HSPA14: variants seen among roughly 807,000 people sequenced by gnomAD.
HSPA14 encodes heat shock 70 kDa protein 14.
Under a neutral mutation model 65.5 loss-of-function variants are expected in HSPA14, and 37 were observed. That is an observed-to-expected ratio of 0.56 (90% CI 0.43 to 0.74). HSPA14 has a LOEUF of 0.74. Ranked by LOEUF, HSPA14 falls within the 30% of genes least tolerant of loss-of-function variation. The pLI, the probability that HSPA14 is intolerant of heterozygous loss-of-function variation, is 0.00. For synonymous variants in HSPA14, 203 were observed against 214.2 expected, an observed-to-expected ratio of 0.95 and a Z score of 0.46; for missense variants, 564 against 607.6, an observed-to-expected ratio of 0.93 and a Z score of 0.75.
Position 14,867,256 on chromosome 10 carries a change from T to C in HSPA14, c.1167T>C (p.Ser389=), listed in dbSNP as rs61751214. The change falls in exon 11 of 14, where the codon TCT becomes TCC. Residue 389 remains serine (S), a synonymous_variant. Coordinates refer to ENST00000378372, the MANE Select transcript of HSPA14 (RefSeq NM_016299.4). ...AAGAAAACCTGTTGGTGGAAGACTC[T>C]CTTATGATAGAGTGTTCAGCCAGAG... The part of the protein sequence containing the change: ...IGKENLLVED[S]LMIECSARDI... The C allele has an allele frequency of 3.6e-3, 5,787 of 1,613,780 alleles. 29 individuals carry two copies. The highest frequency in any genetic ancestry group is 0.016 in the Middle Eastern group (95 of 6,052).
chr10:14,839,323 C>T (rs1444772911), intron 1 of HSPA14, among the ~76,000 whole-genome samples: 1 of 152,174 alleles, frequency 6.6e-6, no homozygotes, highest in African/African-American at 2.4e-5. Context: ...CCTGTAATCC[C>T]AGCACTTTGG....
At chr10:14,857,301 A>T (rs1832711348) in intron 10 of HSPA14, among the ~76,000 whole-genome samples, 2 of 152,218 alleles carry the variant, frequency 1.3e-5, no homozygotes, top group South Asian at 4.1e-4. Context: ...CCAAAGTAAA[A>T]TACTAGGTCA....
chr10:14,848,365 A>C (rs1429531962), intron 3 of HSPA14, among the ~76,000 whole-genome samples: 1 of 152,250 alleles, frequency 6.6e-6, no homozygotes, highest in Non-Finnish European at 1.5e-5. Flanking sequence ...CACAGCCAGA[A>C]CAAGAAAGCT....
At chr10:14,867,019 A>C in intron 10 of HSPA14, 64 bp from the exon 11 acceptor site, 2 of 1,185,882 alleles carry the variant, frequency 1.7e-6, no homozygotes, top group Non-Finnish European at 2.5e-6. Flanking sequence ...AGTCTATTAC[A>C]CTTAATTTTG....
rs184018354 is a variant in HSPA14, at chr10:14,848,558, C to T, written c.222-51C>T. 45 of 1,352,134 alleles carry T rather than the reference C, an allele frequency of 3.3e-5. No homozygotes were observed. The African/African-American group carries it at 6.4e-4, about 19-fold the overall frequency. 83.8% of individuals were successfully genotyped at this position (1,352,134 alleles called of 1,614,324 possible). A position where few individuals can be genotyped will look rare whatever the true frequency, so the allele number is the denominator to read the frequency against. ...ACAGTCTTCTCTAAACTTTATATAT[C>T]TACAATACTGATTTTAATACTTAGC... On this transcript the variant is annotated intron_variant, in intron 3 of 13. Coordinates refer to ENST00000378372, the MANE Select transcript of HSPA14 (RefSeq NM_016299.4).
In HSPA14 at chr10:14,851,254, G is replaced by T; in HGVS notation, c.503G>T (p.Arg168Leu). The T allele has an allele frequency of 6.2e-7, 1 of 1,611,564 alleles. No homozygotes were observed. The highest frequency in any genetic ancestry group is 1.1e-5 in the South Asian group (1 of 90,754). ...AARAAGFNVL[R>L]LIHEPSAALL... ...AGAGCTGCTGGATTTAATGTTTTGCGATTAATTCACGAACCGTCTGCAGCT... is the reference window on the plus strand; with the variant it reads ...AGAGCTGCTGGATTTAATGTTTTGCTATTAATTCACGAACCGTCTGCAGCT... The change falls in exon 7 of 14, where the codon CGA (arginine) becomes CTA (leucine). Residue 168 changes from arginine (R) to leucine (L), a missense_variant. Arg to Leu is a moderately radical substitution (Grantham distance 102, BLOSUM62 -2). Coordinates refer to ENST00000378372, the MANE Select transcript of HSPA14 (RefSeq NM_016299.4).
chr10:14,847,130 T>C (rs1023298822), intron 3 of HSPA14: 2 of 624,412 alleles, frequency 3.2e-6, no homozygotes, highest in Non-Finnish European at 4.0e-6. Context: ...CTTTCTGTCT[T>C]CAGAGGAGAG....
At chr10:14,870,535 G>C (rs1394732566) in intron 12 of HSPA14, 62 bp from the exon 13 acceptor site, 4 of 1,520,516 alleles carry the variant, frequency 2.6e-6, no homozygotes, top group African/African-American at 1.4e-5. Flanking sequence ...TGCAATAATT[G>C]ATACATCAGT....
chr10:14,843,536 C>A (rs1488965716), intron 3 of HSPA14: 1 of 1,550,584 alleles, frequency 6.4e-7, no homozygotes, highest in Non-Finnish European at 8.7e-7. Context: ...ACACCGCAGA[C>A]TCCAGTCTCC....
At chr10:14,869,136 C>T (rs1832832250) in intron 12 of HSPA14, among the ~76,000 whole-genome samples, 1 of 151,924 alleles carries the variant, frequency 6.6e-6, no homozygotes, top group African/African-American at 2.4e-5. Context: ...AAAATATATG[C>T]ACATTCAGAG....
At chr10:14,843,907 A>G (rs1834009981) in intron 3 of HSPA14, 1 of 1,535,948 alleles carries the variant, frequency 6.5e-7, no homozygotes, top group Non-Finnish European at 8.7e-7. Context: ...ACCAATTACA[A>G]AAGGCTCTGC....
chr10:14,841,149 T>C (rs1230172186), intron 3 of HSPA14: 1 of 152,228 alleles, frequency 6.6e-6, no homozygotes, highest in East Asian at 1.9e-4. Flanking sequence ...GAACTTGATA[T>C]TAATCTTTTT....
Position 14,849,771 on chromosome 10 carries a change from G to C in HSPA14, c.427G>C (p.Val143Leu). 5 of 1,613,532 alleles carry C rather than the reference G, an allele frequency of 3.1e-6. No homozygotes were observed. Among genetic ancestry groups the C allele is most frequent in the Non-Finnish European group, 4.2e-6 (5 of 1,179,738 alleles). ...GSDANDVVIT[V>L]PFDFGEKQKN... is the part of the protein sequence containing the mutation. Reference sequence around the variant, plus strand: ...AGATGCAAATGATGTAGTTATTACTGTCCCGTTTGATTTTGGAGAAAAGCA... The same window carrying C: ...AGATGCAAATGATGTAGTTATTACTCTCCCGTTTGATTTTGGAGAAAAGCA... The change falls in exon 6 of 14, where the codon GTC (valine) becomes CTC (leucine). Residue 143 changes from valine to leucine, a missense_variant. Transcript: ENST00000378372.
At chr10:14,850,269 C>CAA (rs200743230) in intron 6 of HSPA14, among the ~76,000 whole-genome samples, 26 of 105,062 alleles carry the variant, frequency 2.5e-4, no homozygotes, top group African/African-American at 4.4e-4. Flanking sequence ...GACTTCGTCT[C>CAA]AAAAAAAAAA....
chr10:14,840,501 A>AT (rs1218470956), intron 3 of HSPA14, among the ~76,000 whole-genome samples: 9 of 152,136 alleles, frequency 5.9e-5, no homozygotes, highest in African/African-American at 2.2e-4. Context: ...ATGTGGTTGA[A>AT]TTTTGCTGAA....
At chr10:14,843,337 G>A (rs1057295926) in intron 3 of HSPA14, 8 of 1,550,060 alleles carry the variant, frequency 5.2e-6, no homozygotes, top group African/African-American at 2.7e-5. Context: ...TAGCAGGAAT[G>A]TTCTCTTTGC....
At chr10:14,843,595 G>A in intron 3 of HSPA14, 1 of 1,550,638 alleles carries the variant, frequency 6.4e-7, no homozygotes, top group Non-Finnish European at 8.7e-7. Context: ...CTTGACCAGT[G>A]AGCCCCCTCC....
At chr10:14,851,771 A>AAT (rs1272166764) in intron 7 of HSPA14, among the ~76,000 whole-genome samples, 1 of 152,256 alleles carries the variant, frequency 6.6e-6, no homozygotes. Context: ...TATAGCTGTC[A>AAT]ATATGTCTTA....
rs749644797 is a variant in HSPA14, at chr10:14,842,406, A to G, written c.221+2249A>G. On this transcript the variant is annotated intron_variant, in intron 3 of 13. Coordinates refer to ENST00000378372, the MANE Select transcript of HSPA14 (RefSeq NM_016299.4). The surrounding 1 kb of genome is among the most constrained non-coding windows in gnomAD (Gnocchi z 5.2). ...CTCCAGACTGTGCATCACAATGCAG[A>G]TGTCTATCAGGCTGTGTCTAAGCGA... is the stretch of plus-strand genomic sequence containing the variant. 10 of 1,536,050 alleles carry G rather than the reference A, an allele frequency of 6.5e-6. No homozygotes were observed. The South Asian group carries it at 1.2e-4, about 18-fold the overall frequency.
Sources: gnomAD v4.1 joint callset for allele counts (sites outside exome capture counted in the v4.1 genomes callset) on GRCh38, gnomAD v4.1.1 for gene constraint, Gnocchi (gnomAD v3.1) non-coding constraint, MANE v1.5 for transcripts, NCBI Gene and HGNC (gene_info 2026-07-23, HGNC 2026-07-21) for gene names.